The following RANBP3 variants were observed in gnomAD, a reference collection of about 807,000 sequenced individuals.
The protein encoded by RANBP3 is ran-binding protein 3.
In RANBP3, 14 loss-of-function variants were observed where a neutral mutation model predicts 77.3. The observed-to-expected ratio is 0.18, with a 90% CI of 0.12 to 0.28. The LOEUF is 0.28. RANBP3 is among the 10% of genes least tolerant of loss of function. The pLI is 1.00. For synonymous variants in RANBP3, 315 were observed against 312.4 expected, an observed-to-expected ratio of 1.01 and a Z score of -0.09; for missense variants, 586 against 752.3, an observed-to-expected ratio of 0.78 and a Z score of 2.59.
Position 5,917,810 on chromosome 19 carries a change from T to C in RANBP3, c.1644A>G (p.Ser548=). 6.2e-7 allele frequency: 1 copy of C among 1,610,632 alleles called. No homozygotes were observed. Among genetic ancestry groups the C allele is most frequent in the South Asian group, 1.1e-5 (1 of 90,760 alleles). ...DSDDDDVLAP[S]GATAAGAGDE... is the part of the protein sequence containing the mutation. ...CCGACTCACCAGCTGCGGTGGCCCC[T>C]GAAGGAGCCAGGACATCGTCATCGT... Residue 548 remains serine (S), a synonymous_variant, in exon 16 of 17, where the codon TCA becomes TCG. Transcript: ENST00000340578.
At chr19:5,974,256 G>C (rs1331960194) in intron 1 of RANBP3, 1 of 152,228 alleles carries the variant, frequency 6.6e-6, no homozygotes, top group Non-Finnish European at 1.5e-5. Context: ...ACTGTCTCCC[G>C]GGTTTCCACC....
At chr19:5,923,604 C>A (rs1338708229) in intron 12 of RANBP3, among the ~76,000 whole-genome samples, 1 of 152,248 alleles carries the variant, frequency 6.6e-6, no homozygotes, top group African/African-American at 2.4e-5. Flanking sequence ...CCCACCCTCC[C>A]CACGGCCACA....
At chr19:5,923,102 T>C in intron 13 of RANBP3, 92 bp downstream of exon 13, 1 of 1,013,258 alleles carries the variant, frequency 9.9e-7, no homozygotes. Flanking sequence ...GGGGCAGGCC[T>C]GTGTGCTCAG....
At chr19:5,923,145 C>T (rs769205634) in intron 13 of RANBP3, 49 bp downstream of exon 13, 192 of 1,510,030 alleles carry the variant, frequency 1.3e-4, no homozygotes, top group Non-Finnish European at 1.6e-4. Context: ...GGTTGGACCC[C>T]CAGGTGCATG....
At chr19:5,936,263 G>A (rs1349998082) in intron 5 of RANBP3, among the ~76,000 whole-genome samples, 1 of 152,266 alleles carries the variant, frequency 6.6e-6, no homozygotes, top group Admixed American at 6.5e-5. Context: ...ATGCACAGAG[G>A]ACAGAGGGTG....
At chr19:5,933,702 G>A (rs2058027008) in intron 5 of RANBP3, 2 of 480,144 alleles carry the variant, frequency 4.2e-6, no homozygotes, top group East Asian at 3.7e-5. Context: ...TGGCTCTTGG[G>A]CCAGCTGCTG....
rs532115906 is a variant in RANBP3, at chr19:5,925,314, C to T, written c.917+320G>A. 40 of 501,596 alleles carry T rather than the reference C, an allele frequency of 8.0e-5. No homozygotes were observed. The East Asian group carries it at 1.4e-3, about 18-fold the overall frequency. The allele number at this position is 501,596 out of a possible 1,614,324, so 31.1% of individuals were successfully genotyped here. A position where few individuals can be genotyped will look rare whatever the true frequency, so the allele number is the denominator to read the frequency against. On this transcript the variant is annotated intron_variant, in intron 10 of 16. Transcript: ENST00000340578. ...AGGGGGCGCCTGAGTCGCCTCTGGC[C>T]TGCTCTGTTCTGCTCTGGGCATGAG...
intron 1 of RANBP3, among the ~76,000 whole-genome samples, chr19:5,968,443 A>G (rs772105679): frequency 1.3e-5 from 2 of 152,228 alleles, no homozygotes; most frequent in African/African-American, 2.4e-5. Flanking sequence ...AATGCTGCAC[A>G]TGCCGTGTTT....
chr19:5,964,273 T>G (rs1467205774), intron 1 of RANBP3, among the ~76,000 whole-genome samples: 1 of 152,082 alleles, frequency 6.6e-6, no homozygotes, highest in Non-Finnish European at 1.5e-5. Flanking sequence ...CTTTCCAACT[T>G]CTGCCAGATG....
intron 13 of RANBP3, among the ~76,000 whole-genome samples, chr19:5,922,667 T>C (rs369258092): frequency 3.4e-4 from 52 of 152,304 alleles, no homozygotes; most frequent in Admixed American, 2.7e-3. Context: ...GGGCTGGGCG[T>C]GGTGGCTCAC....
At chr19:5,977,972 GC>G in intron 1 of RANBP3, 88 bp downstream of exon 1, 1 of 1,542,456 alleles carries the variant, frequency 6.5e-7, no homozygotes, top group Non-Finnish European at 8.8e-7. Context: ...CTTGCACTCT[GC>G]GGTGCTCCCC....
intron 1 of RANBP3, among the ~76,000 whole-genome samples, chr19:5,960,657 G>A (rs2058388571): frequency 6.6e-6 from 1 of 152,252 alleles, no homozygotes; most frequent in Non-Finnish European, 1.5e-5. Flanking sequence ...AGGCTAGTAA[G>A]GAAGGGCTAG....
At chr19:5,950,684 A>G (rs943652415) in intron 3 of RANBP3, 2 of 152,304 alleles carry the variant, frequency 1.3e-5, no homozygotes, top group Non-Finnish European at 2.9e-5. Context: ...TACAGGATGG[A>G]GTTTTCAATC....
rs1215071401 is a variant in RANBP3 at position 5,916,987 on chromosome 19, G to C, written c.*623C>G. 2 of 153,918 alleles carry C rather than the reference G, an allele frequency of 1.3e-5. No individual in the cohort carries two copies. Among genetic ancestry groups the C allele is most frequent in the African/African-American group, 4.8e-5 (2 of 41,424 alleles). The allele number at this position is 153,918 out of a possible 1,614,324, so 9.5% of individuals were successfully genotyped here. On this transcript the variant is annotated 3_prime_UTR_variant, in exon 17 of 17. Transcript: ENST00000340578. Reference sequence around the variant, plus strand: ...AACGCTCGAGAGCATCTTAACCTAAGAAACCAAAACAAAGCCTTCGAAAAT... The same window carrying C: ...AACGCTCGAGAGCATCTTAACCTAACAAACCAAAACAAAGCCTTCGAAAAT...
At chr19:5,972,887 G>C (rs1230102142) in intron 1 of RANBP3, among the ~76,000 whole-genome samples, 1 of 152,174 alleles carries the variant, frequency 6.6e-6, no homozygotes, top group African/African-American at 2.4e-5. Context: ...AATGCACGAG[G>C]GTGCCGGGAA....
Position 5,978,121 on chromosome 19 carries a change from C to A in RANBP3, c.-39G>T. ...GCCCTCCCACAAGGCCCCGCGCCGG[C>A]CCAGGCTCGCCTGCTTTCTGCCAGA... On this transcript the variant is annotated 5_prime_UTR_variant, in exon 1 of 17. Coordinates refer to ENST00000340578, the MANE Select transcript of RANBP3 (RefSeq NM_007322.3). 6.3e-7 allele frequency: 1 copy of A among 1,594,412 alleles called. No individual in the cohort carries two copies. Among genetic ancestry groups the A allele is most frequent in the South Asian group, 1.1e-5 (1 of 88,686 alleles).
intron 1 of RANBP3, chr19:5,962,856 G>T: frequency 2.3e-6 from 1 of 427,112 alleles, no homozygotes; most frequent in Non-Finnish European, 4.8e-6. Context: ...CCGACCACCA[G>T]ACACACGGGT....
intron 2 of RANBP3, among the ~76,000 whole-genome samples, chr19:5,954,175 T>C (rs1161399054): frequency 6.6e-6 from 1 of 151,736 alleles, no homozygotes; most frequent in African/African-American, 2.4e-5. Context: ...TTGAATGGCG[T>C]GAGAGGGATG....
intron 5 of RANBP3, among the ~76,000 whole-genome samples, chr19:5,937,056 CAAAAAAAAAAAAAAA>C (rs71172783): frequency 1.6e-4 from 6 of 37,180 alleles, no homozygotes; most frequent in Non-Finnish European, 2.9e-4. Context: ...ACTCTGTCTC[CAAAAAAAAAAAAAAA>C]AAAAAAAAAA....
Sources: allele counts gnomAD v4.1 joint callset (sites outside exome capture counted in the v4.1 genomes callset), GRCh38; gene constraint gnomAD v4.1.1; transcripts MANE v1.5; gene names NCBI Gene and HGNC (gene_info 2026-07-23, HGNC 2026-07-21).